The following AGBL1 variants were observed in gnomAD, a reference collection of about 807,000 sequenced individuals.
AGBL1 encodes AGBL carboxypeptidase 1, also known as cytosolic carboxypeptidase 4.
AGBL1 carries 130 observed loss-of-function variants against 118.9 expected under a neutral mutation model. The observed-to-expected ratio is 1.09, with a 90% CI of 0.95 to 1.26. The LOEUF (loss-of-function observed/expected upper bound fraction) is 1.26. AGBL1 is among the 50% of genes most tolerant of loss of function. AGBL1 has a pLI of 0.00. For missense variants in AGBL1, 1,584 were observed against 1,298.1 expected (o/e 1.22, Z -3.38); for synonymous variants, 555 against 478.9 (o/e 1.16, Z -2.08).
At chr15:86,899,950 G>A (rs937023339) in intron 22 of AGBL1, among the ~76,000 whole-genome samples, 1 of 152,180 alleles carries the variant, frequency 6.6e-6, no homozygotes, top group African/African-American at 2.4e-5. Flanking sequence ...TCAGCTGCCT[G>A]AACAGCTAGA....
chr15:86,677,895 A>G (rs6496352), intron 22 of AGBL1, among the ~76,000 whole-genome samples: 135,083 of 152,204 alleles, frequency 0.89, 60,087 homozygotes, highest in South Asian at 0.95. Context: ...AATTAGGAAG[A>G]CAGACAAAAG....
chr15:86,917,933 T>A (rs561428108), downstream of AGBL1, among the ~76,000 whole-genome samples: 1 of 152,240 alleles, frequency 6.6e-6, no homozygotes, highest in African/African-American at 2.4e-5. The surrounding 1 kb of genome is among the most constrained non-coding windows in gnomAD (Gnocchi z 4.8). Flanking sequence ...TTTCACTCCA[T>A]CCCTAGTCCC....
At chr15:86,754,192 G>T (rs542005593) in intron 22 of AGBL1, among the ~76,000 whole-genome samples, 1 of 152,176 alleles carries the variant, frequency 6.6e-6, no homozygotes, top group African/African-American at 2.4e-5. Context: ...AAATTTAAGG[G>T]AATATTCATA....
chr15:86,508,865 C>G (rs1249357373), intron 18 of AGBL1, among the ~76,000 whole-genome samples: 1 of 152,110 alleles, frequency 6.6e-6, no homozygotes, highest in Non-Finnish European at 1.5e-5. Context: ...AAAAGAACTG[C>G]TTTTAAAAAA....
intron 3 of AGBL1, among the ~76,000 whole-genome samples, chr15:86,150,026 T>C (rs1018127401): frequency 2.0e-5 from 3 of 152,216 alleles, no homozygotes; most frequent in Non-Finnish European, 4.4e-5. Context: ...CCTGAATAAC[T>C]ACTGGGTACA....
chr15:86,831,770 G>T (rs1422050798), intron 22 of AGBL1, among the ~76,000 whole-genome samples: 2 of 152,174 alleles, frequency 1.3e-5, no homozygotes, highest in African/African-American at 4.8e-5. Context: ...GGTCTGGAGG[G>T]TGGTGGCCTG....
intron 22 of AGBL1, among the ~76,000 whole-genome samples, chr15:86,796,992 A>G (rs2078581763): frequency 6.6e-6 from 1 of 152,192 alleles, no homozygotes; most frequent in Admixed American, 6.5e-5. Flanking sequence ...ATGGACTCTG[A>G]ACATTAGACA....
chr15:86,788,226 G>C (rs2078442864), intron 22 of AGBL1, among the ~76,000 whole-genome samples: 3 of 152,172 alleles, frequency 2.0e-5, no homozygotes. Context: ...TTGTGAGCTT[G>C]AGCAGACCTA....
chr15:86,674,710 C>G (rs1232709239), intron 22 of AGBL1, among the ~76,000 whole-genome samples: 1 of 152,142 alleles, frequency 6.6e-6, no homozygotes, highest in Non-Finnish European at 1.5e-5. Flanking sequence ...GACACACACA[C>G]AGGATATCTA....
intron 22 of AGBL1, among the ~76,000 whole-genome samples, chr15:86,765,073 T>C (rs2078076005): frequency 1.3e-5 from 2 of 151,970 alleles, no homozygotes; most frequent in South Asian, 4.1e-4. Flanking sequence ...AGTTTATGAC[T>C]TGAATGAAAC....
intron 17 of AGBL1, among the ~76,000 whole-genome samples, chr15:86,308,786 G>C (rs1288537914): frequency 6.6e-6 from 1 of 152,130 alleles, no homozygotes; most frequent in East Asian, 1.9e-4. Context: ...CTGTAAGTTC[G>C]TTTTTATGAT....
chr15:87,023,607 T>C (rs1442504313), intron 24 of AGBL1, among the ~76,000 whole-genome samples: 1 of 151,980 alleles, frequency 6.6e-6, no homozygotes, highest in Admixed American at 6.6e-5. Flanking sequence ...AAACAATGGA[T>C]TTAATCTATA....
intron 1 of AGBL1, among the ~76,000 whole-genome samples, chr15:86,126,776 G>T (rs1475395063): frequency 6.6e-6 from 1 of 152,174 alleles, no homozygotes; most frequent in Admixed American, 6.5e-5. Context: ...CTTCCAAACT[G>T]CTTCCTGTTT....
intron 22 of AGBL1, among the ~76,000 whole-genome samples, chr15:86,796,180 CTTCTCATTCT>C (rs1227595596): frequency 2.6e-5 from 4 of 152,278 alleles, no homozygotes; most frequent in Admixed American, 2.0e-4. Flanking sequence ...TCAGCATTCT[CTTCTCATTCT>C]TTCTCATGCA....
chr15:86,828,355 A>G (rs139326717), intron 22 of AGBL1, among the ~76,000 whole-genome samples: 1 of 152,134 alleles, frequency 6.6e-6, no homozygotes, highest in Admixed American at 6.6e-5. Context: ...TTTAATGTAC[A>G]TGGAAAAAAG....
At chr15:86,449,805 G>A (rs1287822097) in intron 18 of AGBL1, among the ~76,000 whole-genome samples, 1 of 152,128 alleles carries the variant, frequency 6.6e-6, no homozygotes. Context: ...CCTGTGAGTG[G>A]AGTGACTGAG....
intron 21 of AGBL1, among the ~76,000 whole-genome samples, chr15:86,658,311 C>A (rs941691570): frequency 6.6e-6 from 1 of 152,074 alleles, no homozygotes; most frequent in Non-Finnish European, 1.5e-5. Context: ...TTGTCCTTAG[C>A]CTGAGAATGT....
intron 21 of AGBL1, among the ~76,000 whole-genome samples, chr15:86,633,641 T>C (rs746286562): frequency 6.6e-6 from 1 of 151,762 alleles, no homozygotes; most frequent in Non-Finnish European, 1.5e-5. Flanking sequence ...GTAAAAAAGA[T>C]CATTCTCTGA....
intron 21 of AGBL1, among the ~76,000 whole-genome samples, chr15:86,583,834 A>C (rs28846990): frequency 6.6e-6 from 1 of 152,146 alleles, no homozygotes; most frequent in African/African-American, 2.4e-5. Flanking sequence ...CCATTTCTCC[A>C]CAGCCTCATC....
Sources: gnomAD v4.1 joint callset for allele counts (sites outside exome capture counted in the v4.1 genomes callset) on GRCh38, gnomAD v4.1.1 for gene constraint, Gnocchi (gnomAD v3.1) non-coding constraint, MANE v1.5 for transcripts, NCBI Gene and HGNC (gene_info 2026-07-23, HGNC 2026-07-21) for gene names.